Variants in RSKR observed in about 807,000 individuals in gnomAD.
The protein encoded by RSKR is ribosomal protein S6 kinase related, also known as ribosomal protein S6 kinase-related protein.
In RSKR, 44 loss-of-function variants were observed where a neutral mutation model predicts 56.8. The ratio of observed to expected loss-of-function variants is 0.77; its 90% confidence interval spans 0.61 to 1.00. The LOEUF is 1.00. Among genes scored for constraint, RSKR ranks in the 50% least tolerant of loss-of-function variants. The probability of loss-of-function intolerance (pLI) is 0.00; values close to 1 mark genes in which losing one functional copy is unlikely to be tolerated. For missense variants in RSKR, 510 were observed against 506.9 expected (o/e 1.01, Z -0.06); for synonymous variants, 181 against 188.0 (o/e 0.96, Z 0.30).
Position 28,610,607 on chromosome 17 carries a change from G to A in RSKR, c.1104C>T (p.Leu368=), listed in dbSNP as rs1290344439. 7.2e-6 allele frequency: 11 copies of A among 1,535,952 alleles called. No homozygotes were observed. The highest frequency in any genetic ancestry group is 4.1e-5 in the African/African-American group (3 of 73,026). The change falls in exon 12 of 12, where the codon CTC becomes CTT. Residue 368 remains leucine, a synonymous_variant. Coordinates refer to ENST00000301037, the MANE Select transcript of RSKR (RefSeq NM_001174103.2). ...CAAAGTTCACTGGCTGCTTCTGTAG[G>A]AGCTCTGGGTCGAAGGCCACACCCC... ...FFRGVAFDPE[L]LQKQPVNFVT...
chr17:28,612,215 G>C lies in RSKR; in HGVS notation c.652+47C>G. 1.9e-6 allele frequency: 3 copies of C among 1,602,212 alleles called. No homozygotes were observed. The South Asian group carries it at 3.3e-5, about 18-fold the overall frequency. ...ATTAATTTTTTACTCTCCTTCTTCC[G>C]AACTTAAATCTTCCCTCCCCATTTC... On this transcript the variant is annotated intron_variant, in intron 6 of 11. Coordinates refer to ENST00000301037, the MANE Select transcript of RSKR (RefSeq NM_001174103.2).
intron 4 of RSKR, 84 bp downstream of exon 4, chr17:28,612,994 A>G (rs1567634087): frequency 7.0e-7 from 1 of 1,420,128 alleles, no homozygotes; most frequent in Non-Finnish European, 9.9e-7. Context: ...AGGCAGAACC[A>G]GGAAAAGAAG....
chr17:28,614,145 C>T lies in RSKR; in HGVS notation c.17G>A (p.Cys6Tyr), dbSNP rs2070873871. Residue 6 changes from cysteine (C) to tyrosine (Y), a missense_variant, in exon 1 of 12, where the codon TGT becomes TAT. Cys to Tyr is a radical substitution (Grantham distance 194, BLOSUM62 -2). Coordinates refer to ENST00000301037, the MANE Select transcript of RSKR (RefSeq NM_001174103.2). ...CTGCTGGGTGTGCTGCCCCTGCCGACAGCTTACTGCTCCCATTCCCAGCCT... is the reference window on the plus strand; with the variant it reads ...CTGCTGGGTGTGCTGCCCCTGCCGATAGCTTACTGCTCCCATTCCCAGCCT... MGAVS[C>Y]RQGQHTQQGE... The T allele has an allele frequency of 6.2e-7, 1 of 1,613,626 alleles. No individual in the cohort carries two copies. The highest frequency in any genetic ancestry group is 1.3e-5 in the African/African-American group (1 of 75,048).
In RSKR at chr17:28,613,443, C is replaced by T; in HGVS notation, c.321G>A (p.Leu107=). 6.2e-7 allele frequency: 1 copy of T among 1,614,246 alleles called. No individual in the cohort carries two copies. Among genetic ancestry groups the T allele is most frequent in the Non-Finnish European group, 8.5e-7 (1 of 1,180,032 alleles). ...CTCAGGGATTCCACTGACTTACCTT[C>T]AGCTGCTGCTGCCCCCTAATGGGCC... The part of the protein sequence containing the change: ...PIRPIRGQQQ[L]KILGLVAKGS... The change falls in exon 2 of 12, where the codon CTG becomes CTA. Residue 107 remains leucine (L), a synonymous_variant. Coordinates refer to ENST00000301037, the MANE Select transcript of RSKR (RefSeq NM_001174103.2).
chr17:28,611,717 C>G (rs1314775648), intron 8 of RSKR, 51 bp downstream of exon 8: 2 of 1,613,578 alleles, frequency 1.2e-6, no homozygotes, highest in Admixed American at 1.7e-5. Context: ...ATGATTTATT[C>G]CCAAACCAAA....
rs901221472 is a variant in RSKR, at chr17:28,610,199, G to T, written c.*279C>A. 4.4e-5 allele frequency: 17 copies of T among 389,726 alleles called. No homozygotes were observed. Among genetic ancestry groups the T allele is most frequent in the African/African-American group, 1.0e-4 (5 of 49,932 alleles). 24.1% of individuals were successfully genotyped at this position (389,726 alleles called of 1,614,324 possible). A position where few individuals can be genotyped will look rare whatever the true frequency, so the allele number is the denominator to read the frequency against. On this transcript the variant is annotated 3_prime_UTR_variant, in exon 12 of 12. Transcript: ENST00000301037. Reference sequence around the variant, plus strand: ...AAGCAGCTCTGGCTGACAGCCTGAGGGTAAAGAGCACTGGAGAAGTAAAGA... The same window carrying T: ...AAGCAGCTCTGGCTGACAGCCTGAGTGTAAAGAGCACTGGAGAAGTAAAGA...
rs749675027 is a variant in RSKR at position 28,612,023 on chromosome 17, G to C, written c.693+21C>G. 16 of 1,613,900 alleles carry C rather than the reference G, an allele frequency of 9.9e-6. No homozygotes were observed. In the Admixed American group the frequency reaches 1.8e-4, roughly 19 times the overall value. On this transcript the variant is annotated intron_variant, in intron 7 of 11. Transcript: ENST00000301037. ...ATTGAGACTCTTTCTCAGACAAAGG[G>C]AAAAAAGCACTTAACTCTACCTTCA... is the stretch of plus-strand genomic sequence containing the variant.
At position 28,611,639 on chromosome 17, in the gene RSKR, C is replaced by CT. The variant is rs758847322; in HGVS notation, c.738dup (p.Asp247ArgfsTer39). ...GGCACGTGGCGGGACAGACCAAAGT[C>CT]TGTCAGTTTCAGATGGCCTATGAAA... On this transcript the variant is annotated frameshift_variant, in exon 9 of 12. Transcript: ENST00000301037. LOFTEE classifies it high-confidence loss of function. 3 of 1,582,852 alleles carry CT rather than the reference C, an allele frequency of 1.9e-6. No homozygotes were observed. The highest frequency in any genetic ancestry group is 4.5e-5 in the East Asian group (2 of 44,826).
intron 4 of RSKR, 155 bp from the exon 5 acceptor site, chr17:28,612,842 A>T: frequency 1.3e-6 from 1 of 787,052 alleles, no homozygotes; most frequent in Non-Finnish European, 2.1e-6. Context: ...CTATCTGGTA[A>T]TCCTAGAACC....
Position 28,608,930 on chromosome 17 carries a change from TGAAAA to T in RSKR, c.*1543_*1547del, listed in dbSNP as rs768674938. ...TTGTGAGAAATTAGTTTAAGAAAAA[TGAAAA>T]GAAGTCATAAAGGCCAAAACTGTAT... On this transcript the variant is annotated 3_prime_UTR_variant, in exon 12 of 12. Coordinates refer to ENST00000301037, the MANE Select transcript of RSKR (RefSeq NM_001174103.2). 3 of 149,164 alleles carry T rather than the reference TGAAAA, an allele frequency of 2.0e-5. No individual in the cohort carries two copies. The highest frequency in any genetic ancestry group is 3.0e-5 in the Non-Finnish European group (2 of 67,488). 9.2% of individuals were successfully genotyped at this position (149,164 alleles called of 1,614,324 possible).
In RSKR at chr17:28,613,458, C is replaced by G. The variant is rs747849888; in HGVS notation, c.306G>C (p.Arg102Ser). Residue 102 changes from arginine to serine, a missense_variant, in exon 2 of 12, where the codon AGG (arginine) becomes AGC (serine). By Grantham distance (110) the Arg-to-Ser change is moderately radical. Transcript: ENST00000301037. The part of the protein sequence containing the change: ...FLPEFPIRPI[R>S]GQQQLKILGL... ...GACTTACCTTCAGCTGCTGCTGCCC[C>G]CTAATGGGCCTAATGGGAAACTCTG... 6 of 1,614,076 alleles carry G rather than the reference C, an allele frequency of 3.7e-6. No homozygotes were observed. The African/African-American group carries it at 4.0e-5, about 11-fold the overall frequency.
chr17:28,611,396 T>C lies in RSKR; in HGVS notation c.897A>G (p.Gly299=). ...LGVLLFSLAT[G]KFPVAAERDH... ...AAAACTACTACTATTCTCTCACCTT[T>C]CCAGTCGCCAGAGAGAAAAGCAAGA... is the stretch of plus-strand genomic sequence containing the variant. Residue 299 remains glycine (G), a synonymous_variant, in exon 10 of 12, where the codon GGA becomes GGG. Coordinates refer to ENST00000301037, the MANE Select transcript of RSKR (RefSeq NM_001174103.2). 6.3e-7 allele frequency: 1 copy of C among 1,584,270 alleles called. No homozygotes were observed. The highest frequency in any genetic ancestry group is 8.5e-7 in the Non-Finnish European group (1 of 1,171,236).
chr17:28,612,730 T>A, intron 4 of RSKR, 43 bp from the exon 5 acceptor site: 1 of 1,597,110 alleles, frequency 6.3e-7, no homozygotes. Context: ...AACAGGGTCA[T>A]TGAGAATAAA....
chr17:28,611,893 C>G, intron 7 of RSKR, 98 bp from the exon 8 acceptor site: 4 of 1,611,304 alleles, frequency 2.5e-6, no homozygotes, highest in Non-Finnish European at 3.4e-6. Context: ...ACTCAGCACT[C>G]AAATCTATAC....
At position 28,612,055 on chromosome 17, in the gene RSKR, G is replaced by A. The variant is rs772747192; in HGVS notation, c.682C>T (p.Arg228Ter). Residue 228 changes from arginine (R) to a stop codon, truncating the protein, a stop_gained, in exon 7 of 12, where the codon CGA (arginine) becomes TGA (stop). Transcript: ENST00000301037. LOFTEE classifies it high-confidence loss of function. The stretch of plus-strand genomic sequence containing the variant: ...GCACTTAACTCTACCTTCACATCTC[G>A]ATGCATGATGCCCAAGTCATGGAGA... ...CYLHDLGIMH[R>*]DVKMENILLD... 30 of 1,614,138 alleles carry A rather than the reference G, an allele frequency of 1.9e-5. No individual in the cohort carries two copies. Among genetic ancestry groups the A allele is most frequent in the Non-Finnish European group, 2.3e-5 (27 of 1,180,038 alleles).
intron 1 of RSKR, 181 bp downstream of exon 1, chr17:28,613,906 G>T: frequency 1.0e-6 from 1 of 982,372 alleles, no homozygotes; most frequent in Non-Finnish European, 1.5e-6. Context: ...TTTTCACCAT[G>T]ACGCATTAAG....
At chr17:28,612,832 C>A in intron 4 of RSKR, 145 bp from the exon 5 acceptor site, 1 of 813,140 alleles carries the variant, frequency 1.2e-6, no homozygotes, top group Non-Finnish European at 2.0e-6. Context: ...TTGGAACTGA[C>A]TATCTGGTAA....
rs2070793170 is a variant in RSKR, at chr17:28,610,250, T to C, written c.*228A>G. ...AAAGGAAAAGGTCACCACCCTGATCTGACATGTTGAATTGAGAGGTAGGTT... is the reference window on the plus strand; with the variant it reads ...AAAGGAAAAGGTCACCACCCTGATCCGACATGTTGAATTGAGAGGTAGGTT... On this transcript the variant is annotated 3_prime_UTR_variant, in exon 12 of 12. Coordinates refer to ENST00000301037, the MANE Select transcript of RSKR (RefSeq NM_001174103.2). 9.3e-6 allele frequency: 5 copies of C among 540,480 alleles called. No individual in the cohort carries two copies. In the East Asian group the frequency reaches 1.5e-4, roughly 16 times the overall value. The allele number at this position is 540,480 out of a possible 1,614,324, so 33.5% of individuals were successfully genotyped here.
Position 28,610,499 on chromosome 17 carries a change from CAAG to C in RSKR, c.1209_1211del (p.Phe403del). The C allele has an allele frequency of 2.6e-6, 4 of 1,536,002 alleles. No homozygotes were observed. Among genetic ancestry groups the C allele is most frequent in the Non-Finnish European group, 3.5e-6 (4 of 1,146,876 alleles). ...AGGCTCAAGCAGGGATAGGGTAGAG[CAAG>C]AAGGACTCCAGATCACAGTCAAAGT... On this transcript the variant is annotated inframe_deletion, in exon 12 of 12. Coordinates refer to ENST00000301037, the MANE Select transcript of RSKR (RefSeq NM_001174103.2).
Sources: gnomAD v4.1 joint callset for allele counts on GRCh38, gnomAD v4.1.1 for gene constraint, MANE v1.5 for transcripts, NCBI Gene and HGNC (gene_info 2026-07-23, HGNC 2026-07-21) for gene names.